Variants in DLG2 observed in about 807,000 individuals in gnomAD.
DLG2 encodes discs large MAGUK scaffold protein 2.
A neutral mutation model predicts 132.5 loss-of-function variants in DLG2; 45 were observed. The ratio of observed to expected loss-of-function variants is 0.34; its 90% CI spans 0.27 to 0.44. The LOEUF (loss-of-function observed/expected upper bound fraction) is 0.44. DLG2 is among the 20% of genes least tolerant of loss of function. The probability of loss-of-function intolerance (pLI) is 1.00; values close to 1 mark genes in which losing one functional copy is unlikely to be tolerated. For missense variants in DLG2, 1,045 were observed against 1,196.9 expected (o/e 0.87, Z 1.87); for synonymous variants, 424 against 419.6 (o/e 1.01, Z -0.13).
chr11:83,691,469 GC>G (rs1277285741), intron 18 of DLG2, among the ~76,000 whole-genome samples: 1 of 152,066 alleles, frequency 6.6e-6, no homozygotes, highest in Non-Finnish European at 1.5e-5. Flanking sequence ...TACACACTTG[GC>G]CCCTGCGTAT....
chr11:83,671,775 G>T (rs1230027319), intron 18 of DLG2, among the ~76,000 whole-genome samples: 1 of 152,094 alleles, frequency 6.6e-6, no homozygotes, highest in Non-Finnish European at 1.5e-5. Flanking sequence ...AAGGGTGCTT[G>T]TTTTTAATAT....
Position 85,580,847 on chromosome 11 carries a change from T to C in DLG2, c.40+17810A>G, listed in dbSNP as rs568454049. ...AATTTCAAATAGAGGAAGAATGATA[T>C]TCTTTGAGTAAATAAGGAGAAGTCA... On this transcript the variant is annotated intron_variant, in intron 3 of 27. Transcript: ENST00000376104. Among the ~76,000 whole-genome samples, 3 of 152,330 alleles carry C rather than the reference T, an allele frequency of 2.0e-5. No homozygotes were observed. The East Asian group carries it at 5.8e-4, about 29-fold the overall frequency.
At chr11:83,928,781 G>A (rs1002252780) in intron 15 of DLG2, among the ~76,000 whole-genome samples, 1 of 152,002 alleles carries the variant, frequency 6.6e-6, no homozygotes, top group African/African-American at 2.4e-5. Flanking sequence ...ATTATTGTGA[G>A]GATTAAGAGA....
At chr11:85,083,467 C>T (rs1046259767) in intron 6 of DLG2, among the ~76,000 whole-genome samples, 1 of 152,088 alleles carries the variant, frequency 6.6e-6, no homozygotes, top group Non-Finnish European at 1.5e-5. Flanking sequence ...TAAGGATATT[C>T]CCATGACATG....
chr11:84,378,563 A>G lies in DLG2; in HGVS notation c.520-127272T>C, dbSNP rs80010067. 3.1e-3 allele frequency among the ~76,000 whole-genome samples: 477 copies of G among 152,198 alleles called. 16 individuals carry two copies. In the East Asian group the frequency reaches 0.072, roughly 23 times the overall value. ...ATGGGGGGAAAAATCTCGCCTGAGA[A>G]TTTGTAATCACAACTTGGCCCTTTT... On this transcript the variant is annotated intron_variant, in intron 7 of 27. Transcript: ENST00000376104.
intron 6 of DLG2, chr11:84,923,431 A>AAG (rs2092853859): frequency 5.1e-6 from 5 of 985,252 alleles, no homozygotes; most frequent in Admixed American, 6.3e-5. Context: ...TAAAAAAAAA[A>AAG]AAGAAGAAGA....
chr11:85,142,263 A>T (rs958799052), intron 5 of DLG2, among the ~76,000 whole-genome samples: 4 of 151,712 alleles, frequency 2.6e-5, no homozygotes, highest in Admixed American at 2.6e-4. Flanking sequence ...CATTGAAGAG[A>T]TCATTTACTT....
chr11:83,519,176 G>A (rs2095398984), intron 21 of DLG2, among the ~76,000 whole-genome samples: 1 of 152,214 alleles, frequency 6.6e-6, no homozygotes, highest in South Asian at 2.1e-4. Context: ...GGCCTTTGCA[G>A]TGGTTCTGCA....
At chr11:84,672,839 C>A (rs1381383212) in intron 6 of DLG2, among the ~76,000 whole-genome samples, 2 of 152,028 alleles carry the variant, frequency 1.3e-5, no homozygotes, top group African/African-American at 4.8e-5. Context: ...AAAAAAAAGG[C>A]TTAATTGGCT....
chr11:84,230,784 C>A (rs918624742), intron 8 of DLG2, among the ~76,000 whole-genome samples: 1 of 152,036 alleles, frequency 6.6e-6, no homozygotes, highest in South Asian at 2.1e-4. Flanking sequence ...GAACAGGAAA[C>A]CTTAGATAGG....
chr11:84,014,234 A>G (rs2095050143), intron 11 of DLG2, among the ~76,000 whole-genome samples: 1 of 152,162 alleles, frequency 6.6e-6, no homozygotes, highest in Non-Finnish European at 1.5e-5. Flanking sequence ...ATAAAATGTA[A>G]GGTGAATGTT....
At chr11:84,814,050 CATT>C (rs2076846544) in intron 6 of DLG2, among the ~76,000 whole-genome samples, 1 of 152,092 alleles carries the variant, frequency 6.6e-6, no homozygotes, top group Non-Finnish European at 1.5e-5. Flanking sequence ...ATTCCTAAAA[CATT>C]ATTATGAAAA....
chr11:84,214,200 T>C (rs915419595), intron 8 of DLG2, among the ~76,000 whole-genome samples: 1 of 147,144 alleles, frequency 6.8e-6, no homozygotes, highest in African/African-American at 2.5e-5. Context: ...TCTTCATATA[T>C]ATATACATAT....
chr11:83,700,070 G>A (rs893829353), intron 18 of DLG2, among the ~76,000 whole-genome samples: 1 of 151,526 alleles, frequency 6.6e-6, no homozygotes, highest in Non-Finnish European at 1.5e-5. Flanking sequence ...AGGAACAAAA[G>A]TTTTCAATAA....
chr11:84,845,312 A>T (rs1003414626), intron 6 of DLG2, among the ~76,000 whole-genome samples: 1 of 152,150 alleles, frequency 6.6e-6, no homozygotes, highest in Non-Finnish European at 1.5e-5. Flanking sequence ...TTATGAATAA[A>T]TGAATGAATG....
intron 4 of DLG2, among the ~76,000 whole-genome samples, chr11:85,243,986 T>C (rs188211668): frequency 6.0e-4 from 92 of 152,118 alleles, no homozygotes; most frequent in Non-Finnish European, 1.1e-3. Context: ...AGAGTTGCTA[T>C]GAAGTTTCAA....
At chr11:83,898,746 A>G (rs182721613) in intron 15 of DLG2, among the ~76,000 whole-genome samples, 36 of 152,310 alleles carry the variant, frequency 2.4e-4, no homozygotes, top group Admixed American at 1.3e-3. Context: ...CTTCTATTTT[A>G]GCTAAATAAA....
intron 6 of DLG2, among the ~76,000 whole-genome samples, chr11:84,989,265 C>G (rs1002685034): frequency 6.6e-6 from 1 of 151,938 alleles, no homozygotes; most frequent in Non-Finnish European, 1.5e-5. Flanking sequence ...AACCTCTGAC[C>G]CCCAGGTTCA....
intron 18 of DLG2, among the ~76,000 whole-genome samples, chr11:83,699,010 A>G (rs2082401191): frequency 6.6e-6 from 1 of 152,220 alleles, no homozygotes; most frequent in Non-Finnish European, 1.5e-5. Flanking sequence ...AGGGGCAGAA[A>G]AAAAATAGTT....
Sources: gnomAD v4.1 joint callset for allele counts (sites outside exome capture counted in the v4.1 genomes callset) on GRCh38, gnomAD v4.1.1 for gene constraint, MANE v1.5 for transcripts, NCBI Gene and HGNC (gene_info 2026-07-23, HGNC 2026-07-21) for gene names.